ATP2A2: variants seen among roughly 807,000 people sequenced by gnomAD.
ATP2A2 encodes sarcoplasmic/endoplasmic reticulum calcium ATPase 2.
ATP2A2 carries 14 observed loss-of-function variants against 109.3 expected under a neutral mutation model. The ratio of observed to expected loss-of-function variants is 0.13; its 90% CI spans 0.08 to 0.20. The LOEUF (loss-of-function observed/expected upper bound fraction) is 0.20, where lower values mean the gene tolerates loss of function less well. Among genes scored for constraint, ATP2A2 ranks in the 10% least tolerant of loss-of-function variants. ATP2A2 has a pLI of 1.00. For missense variants in ATP2A2, 657 were observed against 1,321.6 expected (o/e 0.50, Z 7.80); for synonymous variants, 506 against 490.9 (o/e 1.03, Z -0.41).
At chr12:110,331,224 A>G (rs1356180389) in intron 8 of ATP2A2, 2 of 151,854 alleles carry the variant, frequency 1.3e-5, no homozygotes, top group African/African-American at 4.8e-5. Flanking sequence ...CCTAGGCGAC[A>G]GAGTGAAACT....
intron 4 of ATP2A2, among the ~76,000 whole-genome samples, chr12:110,294,902 C>T (rs543721974): frequency 6.6e-6 from 1 of 152,206 alleles, no homozygotes; most frequent in South Asian, 2.1e-4. Context: ...CCACTGCAGC[C>T]TCCACCTCCC....
intron 11 of ATP2A2, among the ~76,000 whole-genome samples, chr12:110,335,498 G>A (rs1383530609): frequency 6.6e-6 from 1 of 152,190 alleles, no homozygotes; most frequent in Admixed American, 6.5e-5. Flanking sequence ...CTGGGCAACA[G>A]AGTCAGACCC....
chr12:110,313,702 G>A (rs1354147068), intron 5 of ATP2A2, among the ~76,000 whole-genome samples: 1 of 142,812 alleles, frequency 7.0e-6, no homozygotes, highest in African/African-American at 2.6e-5. Flanking sequence ...AAAGATAATG[G>A]AACTTTTTTT....
chr12:110,298,874 T>C (rs186275592), intron 5 of ATP2A2, among the ~76,000 whole-genome samples: 3,532 of 152,318 alleles, frequency 0.023, 127 homozygotes, highest in African/African-American at 0.079. Context: ...TTTTATAGTA[T>C]CAAGGATGTT....
chr12:110,325,579 G>C (rs1877707190), intron 6 of ATP2A2, among the ~76,000 whole-genome samples: 1 of 151,240 alleles, frequency 6.6e-6, no homozygotes. Context: ...AGTAAGCCAA[G>C]ATTGTGCCAC....
intron 17 of ATP2A2, 123 bp from the exon 18 acceptor site, chr12:110,345,126 T>C: frequency 6.5e-7 from 1 of 1,535,112 alleles, no homozygotes; most frequent in Non-Finnish European, 9.0e-7. Context: ...CTCCGAGAAA[T>C]TGGGGTAAAC....
intron 5 of ATP2A2, among the ~76,000 whole-genome samples, chr12:110,300,643 C>T (rs1447373519): frequency 5.3e-5 from 7 of 131,236 alleles, no homozygotes; most frequent in African/African-American, 2.0e-4. Flanking sequence ...CATGCCCGGC[C>T]TTTTTTTTTT....
At chr12:110,307,349 GC>G (rs1364286504) in intron 5 of ATP2A2, among the ~76,000 whole-genome samples, 2 of 151,016 alleles carry the variant, frequency 1.3e-5, no homozygotes, top group Non-Finnish European at 2.9e-5. Context: ...TCCCACCTGA[GC>G]CTTCCAGGTT....
intron 5 of ATP2A2, among the ~76,000 whole-genome samples, chr12:110,321,056 A>G (rs371925053): frequency 1.3e-5 from 2 of 152,076 alleles, no homozygotes; most frequent in African/African-American, 4.8e-5. Flanking sequence ...GTGAAACGCT[A>G]TCTCTACTAA....
At chr12:110,324,477 A>G (rs1393979352) in intron 6 of ATP2A2, among the ~76,000 whole-genome samples, 1 of 151,978 alleles carries the variant, frequency 6.6e-6, no homozygotes, top group African/African-American at 2.4e-5. Flanking sequence ...GCTATAGTGT[A>G]GTGCTGTGAT....
chr12:110,313,456 G>A (rs562969296), intron 5 of ATP2A2, among the ~76,000 whole-genome samples: 36 of 151,486 alleles, frequency 2.4e-4, no homozygotes, highest in Non-Finnish European at 5.0e-4. Context: ...GTGACTACAG[G>A]CACCCACCAC....
intron 5 of ATP2A2, among the ~76,000 whole-genome samples, chr12:110,322,555 G>C (rs2137801904): frequency 6.6e-6 from 1 of 152,132 alleles, no homozygotes; most frequent in East Asian, 1.9e-4. Flanking sequence ...CTTTTTAAAG[G>C]GGGCCATTTG....
chr12:110,323,139 G>T, intron 6 of ATP2A2, 67 bp downstream of exon 6: 3 of 1,238,406 alleles, frequency 2.4e-6, no homozygotes, highest in Non-Finnish European at 3.6e-6. Context: ...AATAGAGTTG[G>T]CTCTTGCCTC....
intron 5 of ATP2A2, among the ~76,000 whole-genome samples, chr12:110,318,144 A>G (rs1876863679): frequency 6.6e-6 from 1 of 152,206 alleles, no homozygotes; most frequent in Non-Finnish European, 1.5e-5. Flanking sequence ...CATGCACAAA[A>G]TCCTTTGTCT....
chr12:110,341,519 T>G (rs1879350577), intron 14 of ATP2A2, among the ~76,000 whole-genome samples: 1 of 152,232 alleles, frequency 6.6e-6, no homozygotes, highest in South Asian at 2.1e-4. Context: ...GCAAAAATAT[T>G]AAAAACATGG....
At position 110,327,664 on chromosome 12, in the gene ATP2A2, C is replaced by A. The variant is rs1202989687; in HGVS notation, c.742C>A (p.Pro248Thr). 6.2e-7 allele frequency: 1 copy of A among 1,614,126 alleles called. No individual in the cohort carries two copies. The highest frequency in any genetic ancestry group is 1.7e-5 in the Admixed American group (1 of 60,012). The change falls in exon 8 of 20, where the codon CCC (proline) becomes ACC (threonine). Residue 248 changes from proline (P) to threonine (T), a missense_variant. Physicochemically the swap from Pro to Thr is conservative, Grantham distance 38 (BLOSUM62 -1). Around this residue, in one of 9 missense-constraint regions of ATP2A2, gnomAD observed 136 missense variants for 343.9 expected, o/e 0.40. Coordinates refer to ENST00000539276, the MANE Select transcript of ATP2A2 (RefSeq NM_170665.4). The surrounding 1 kb of genome is among the most constrained non-coding windows in gnomAD (Gnocchi z 4.4). Reference sequence around the variant, plus strand: ...GGTGGCAACAGAACAGGAGAGAACACCCCTTCAGCAAAAACTAGATGAATT... The same window carrying A: ...GGTGGCAACAGAACAGGAGAGAACAACCCTTCAGCAAAAACTAGATGAATT... ...EMVATEQERT[P>T]LQQKLDEFGE...
At chr12:110,301,163 C>T (rs1200637153) in intron 5 of ATP2A2, among the ~76,000 whole-genome samples, 1 of 152,188 alleles carries the variant, frequency 6.6e-6, no homozygotes, top group Non-Finnish European at 1.5e-5. Context: ...CCACTGTGCT[C>T]TGCCTTGTTG....
At chr12:110,303,481 GCTCACTGCAACCTCCGA>G (rs1874907386) in intron 5 of ATP2A2, among the ~76,000 whole-genome samples, 1 of 152,064 alleles carries the variant, frequency 6.6e-6, no homozygotes, top group African/African-American at 2.4e-5. Context: ...CATGATCTTG[GCTCACTGCAACCTCCGA>G]CTCCCTGGTT....
intron 3 of ATP2A2, among the ~76,000 whole-genome samples, chr12:110,287,025 G>A (rs1872729582): frequency 6.6e-6 from 1 of 152,078 alleles, no homozygotes; most frequent in South Asian, 2.1e-4. Flanking sequence ...GGCCGAGGTG[G>A]GTGGATCATT....
Sources: gnomAD v4.1 joint callset for allele counts (sites outside exome capture counted in the v4.1 genomes callset) on GRCh38, gnomAD v4.1.1 for gene constraint, gnomAD v4.1.1 regional missense constraint, Gnocchi (gnomAD v3.1) non-coding constraint, MANE v1.5 for transcripts, NCBI Gene and HGNC (gene_info 2026-07-23, HGNC 2026-07-21) for gene names.